Variants in PDE4D observed in about 807,000 individuals in gnomAD.
PDE4D encodes 3',5'-cyclic-AMP phosphodiesterase 4D.
In PDE4D, 24 loss-of-function variants were observed where a neutral mutation model predicts 87.4. The ratio of observed to expected loss-of-function variants is 0.27; its 90% CI spans 0.20 to 0.39. PDE4D has a LOEUF of 0.39. Ranked by LOEUF, PDE4D falls within the 10% of genes least tolerant of loss-of-function variation. The probability of loss-of-function intolerance (pLI) is 1.00; values close to 1 mark genes in which losing one functional copy is unlikely to be tolerated. For missense variants in PDE4D, 714 were observed against 1,041.0 expected, an observed-to-expected ratio of 0.69 and a Z score of 4.32; for synonymous variants, 384 against 383.2, an observed-to-expected ratio of 1.00 and a Z score of -0.02.
chr5:59,574,371 C>T (rs896402009), intron 1 of PDE4D, among the ~76,000 whole-genome samples: 2 of 151,050 alleles, frequency 1.3e-5, no homozygotes, highest in Admixed American at 6.6e-5. Flanking sequence ...GTCTTAAATG[C>T]TGCCTGGGAA....
At chr5:60,106,400 A>T (rs1428643613) in intron 2 of PDE4D, among the ~76,000 whole-genome samples, 3 of 151,464 alleles carry the variant, frequency 2.0e-5, no homozygotes, top group African/African-American at 7.3e-5. Context: ...CTCCCACACA[A>T]TAATAATGGG....
chr5:59,610,495 C>T (rs1230770364), intron 1 of PDE4D, among the ~76,000 whole-genome samples: 2 of 152,168 alleles, frequency 1.3e-5, no homozygotes, highest in Non-Finnish European at 2.9e-5. Context: ...TCACCAGGAT[C>T]TTATTTTGGT....
intron 1 of PDE4D, among the ~76,000 whole-genome samples, chr5:59,653,670 A>T (rs1332524209): frequency 6.6e-6 from 1 of 152,248 alleles, no homozygotes; most frequent in Non-Finnish European, 1.5e-5. Context: ...GATTTGTCCC[A>T]ATTCTGCATT....
At chr5:60,004,961 C>G (rs1351369268) in intron 2 of PDE4D, among the ~76,000 whole-genome samples, 2 of 151,938 alleles carry the variant, frequency 1.3e-5, no homozygotes, top group Non-Finnish European at 2.9e-5. Flanking sequence ...GGTATATATC[C>G]AAAGGAAATG....
intron 2 of PDE4D, among the ~76,000 whole-genome samples, chr5:60,176,840 G>C (rs1200841748): frequency 6.6e-6 from 1 of 152,220 alleles, no homozygotes; most frequent in South Asian, 2.1e-4. Flanking sequence ...TGTGGGCAGA[G>C]TTGTATCTTT....
Position 60,259,002 on chromosome 5 carries a change from T to G in PDE4D, c.-89-73315A>C, listed in dbSNP as rs574950337. Reference sequence around the variant, plus strand: ...ATTCTTTGGTAGTGAAATGATAGGGTTTTTTCCCCTACTTTCAAAACATTA... The same window carrying G: ...ATTCTTTGGTAGTGAAATGATAGGGGTTTTTCCCCTACTTTCAAAACATTA... On this transcript the variant is annotated intron_variant, in intron 1 of 16. Coordinates refer to the PDE4D transcript ENST00000502484. Among the ~76,000 whole-genome samples the G allele has an allele frequency of 6.6e-5, 10 of 151,972 alleles. 1 individual carries two copies. The South Asian group carries it at 2.1e-3, about 32-fold the overall frequency.
intron 1 of PDE4D, among the ~76,000 whole-genome samples, chr5:59,406,417 G>T (rs1404192854): frequency 1.1e-5 from 1 of 94,130 alleles, no homozygotes; most frequent in Non-Finnish European, 2.0e-5. Flanking sequence ...CCCCCATAGA[G>T]TCTTGCTCTG....
chr5:59,281,669 T>C (rs1765822906), intron 1 of PDE4D, among the ~76,000 whole-genome samples: 2 of 152,154 alleles, frequency 1.3e-5, no homozygotes, highest in South Asian at 4.1e-4. Context: ...CCAGAACTTT[T>C]TCATCCTTCC....
chr5:59,537,965 T>C (rs1443329045), intron 1 of PDE4D, among the ~76,000 whole-genome samples: 1 of 152,232 alleles, frequency 6.6e-6, no homozygotes, highest in Non-Finnish European at 1.5e-5. Flanking sequence ...AGGGAAGTGA[T>C]TCCTAATGAA....
intron 5 of PDE4D, among the ~76,000 whole-genome samples, chr5:59,117,774 G>A (rs1773846317): frequency 6.6e-6 from 1 of 151,356 alleles, no homozygotes; most frequent in African/African-American, 2.4e-5. Context: ...TTGCACCATG[G>A]CCATAGACAA....
chr5:59,168,689 A>G (rs1048145918), intron 5 of PDE4D, among the ~76,000 whole-genome samples: 4 of 150,764 alleles, frequency 2.7e-5, no homozygotes, highest in South Asian at 4.2e-4. Flanking sequence ...AGAGAGAGAG[A>G]GAGGGAGGGA....
chr5:59,582,967 C>T (rs1824443236), intron 1 of PDE4D, among the ~76,000 whole-genome samples: 1 of 152,142 alleles, frequency 6.6e-6, no homozygotes, highest in Non-Finnish European at 1.5e-5. Flanking sequence ...AGGGGCCCTC[C>T]ATGGCAGCAT....
intron 1 of PDE4D, among the ~76,000 whole-genome samples, chr5:60,447,920 A>G (rs535585612): frequency 2.2e-4 from 33 of 152,188 alleles, no homozygotes; most frequent in African/African-American, 7.7e-4. Flanking sequence ...TTCTTTGAGG[A>G]TATATGTTTT....
In PDE4D at chr5:59,611,794, T is replaced by C. The variant is rs77123732; in HGVS notation, c.455+281374A>G. Among the ~76,000 whole-genome samples, 547 of 152,298 alleles carry C rather than the reference T, an allele frequency of 3.6e-3. 3 individuals are homozygous for C. Among genetic ancestry groups the C allele is most frequent in the African/African-American group, 0.013 (524 of 41,554 alleles). ...ATGAACTGTGGCCCAGTAGTCCTTA[T>C]ACCTTTGTAAAACTTCATTGATATT... On this transcript the variant is annotated intron_variant, in intron 1 of 14. Transcript: ENST00000340635.
intron 11 of PDE4D, among the ~76,000 whole-genome samples, chr5:58,981,193 A>T (rs1745057403): frequency 6.6e-6 from 1 of 152,160 alleles, no homozygotes; most frequent in African/African-American, 2.4e-5. Context: ...TAGCCTAGTC[A>T]AGCTGACACA....
Position 59,384,259 on chromosome 5 carries a change from C to T in PDE4D, c.456-168291G>A, listed in dbSNP as rs920747872. Among the ~76,000 whole-genome samples the T allele has an allele frequency of 5.9e-5, 9 of 152,084 alleles. No homozygotes were observed. In the East Asian group the frequency reaches 7.7e-4, roughly 13 times the overall value. ...TGAGAGAAATTGAGGCAACCATTAG[C>T]GATACTGGCTCTCTCTTTGTAGCTC... On this transcript the variant is annotated intron_variant, in intron 1 of 14. Transcript: ENST00000340635.
intron 1 of PDE4D, among the ~76,000 whole-genome samples, chr5:60,250,758 C>G (rs1748337522): frequency 6.6e-6 from 1 of 151,848 alleles, no homozygotes; most frequent in South Asian, 2.1e-4. Context: ...GTTTACTATA[C>G]TTTTTATCAT....
chr5:59,564,239 T>C (rs1397548006), intron 1 of PDE4D, among the ~76,000 whole-genome samples: 5 of 152,314 alleles, frequency 3.3e-5, no homozygotes, highest in African/African-American at 7.2e-5. Flanking sequence ...ACATTTAATA[T>C]GTGTACTATT....
At chr5:60,139,299 G>A (rs1028898878) in intron 2 of PDE4D, among the ~76,000 whole-genome samples, 2 of 151,980 alleles carry the variant, frequency 1.3e-5, no homozygotes, top group Non-Finnish European at 1.5e-5. Context: ...CACTCATCAG[G>A]TTTTTCTCAA....
Sources: allele counts gnomAD v4.1 joint callset (sites outside exome capture counted in the v4.1 genomes callset), GRCh38; gene constraint gnomAD v4.1.1; transcripts MANE v1.5; gene names NCBI Gene and HGNC (gene_info 2026-07-23, HGNC 2026-07-21).